PIEZO2: variants seen among roughly 807,000 people sequenced by gnomAD.
PIEZO2 encodes the protein piezo-type mechanosensitive ion channel component 2.
Under a neutral mutation model 337.3 loss-of-function variants are expected in PIEZO2, and 172 were observed. The observed-to-expected ratio is 0.51, with a 90% CI of 0.45 to 0.58. The LOEUF is 0.58. PIEZO2 is among the 20% of genes least tolerant of loss of function. The pLI, the probability that PIEZO2 is intolerant of heterozygous loss-of-function variation, is 0.00. For missense variants in PIEZO2, 3,028 were observed against 3,391.3 expected (o/e 0.89, Z 2.66); for synonymous variants, 1,251 against 1,228.5 (o/e 1.02, Z -0.38).
At chr18:10,698,470 G>A (rs1162064487) in intron 44 of PIEZO2, among the ~76,000 whole-genome samples, 2 of 152,196 alleles carry the variant, frequency 1.3e-5, no homozygotes, top group Non-Finnish European at 2.9e-5. Context: ...TCTACTTTCT[G>A]ATTGTACTCG....
chr18:10,843,670 T>C (rs2041262575), intron 7 of PIEZO2, among the ~76,000 whole-genome samples: 1 of 152,182 alleles, frequency 6.6e-6, no homozygotes. Context: ...CATTCATTGG[T>C]ACCTCGGGCA....
At chr18:10,715,386 C>T (rs1040157696) in intron 38 of PIEZO2, among the ~76,000 whole-genome samples, 10 of 152,142 alleles carry the variant, frequency 6.6e-5, no homozygotes, top group Non-Finnish European at 1.3e-4. Context: ...AGTCTGTACA[C>T]CTGCAAACTG....
intron 36 of PIEZO2, chr18:10,725,367 G>T (rs1484019174): frequency 1.9e-6 from 3 of 1,606,052 alleles, no homozygotes; most frequent in South Asian, 2.2e-5. Flanking sequence ...GTCCCAGGCG[G>T]TGATGATGGT....
chr18:10,970,260 G>T (rs1213819790), intron 3 of PIEZO2, among the ~76,000 whole-genome samples: 1 of 152,164 alleles, frequency 6.6e-6, no homozygotes, highest in Non-Finnish European at 1.5e-5. Flanking sequence ...AAATAACATG[G>T]GCAAAGGCAT....
rs544133378 is a variant in PIEZO2, at chr18:10,888,508, G to C, written c.330-17093C>G. ...TGGGCACTTGGAGTAGCATTGTTAC[G>C]GGGGCGACATTGCTTCTGGGTCCTC... On this transcript the variant is annotated intron_variant, in intron 4 of 55. Coordinates refer to ENST00000674853, the MANE Select transcript of PIEZO2 (RefSeq NM_001378183.1). This position sits in a 1 kb window ranked among gnomAD's most constrained non-coding sequence, Gnocchi z 4.1. Among the ~76,000 whole-genome samples, 2 of 151,954 alleles carry C rather than the reference G, an allele frequency of 1.3e-5. No homozygotes were observed. The highest frequency in any genetic ancestry group is 1.3e-4 in the Admixed American group (2 of 15,238).
intron 7 of PIEZO2, among the ~76,000 whole-genome samples, chr18:10,816,393 C>T (rs1295610541): frequency 6.6e-6 from 1 of 152,096 alleles, no homozygotes; most frequent in African/African-American, 2.4e-5. Context: ...TATACATGGG[C>T]CATGTTCAGA....
rs2041677898 is a variant in PIEZO2 at position 10,855,471 on chromosome 18, G to A, written c.799C>T (p.Leu267=). ...AGCAGAACACAGAGACAGCTGAACAGCAATGGGTCGAACGTCCGGCACCAG... is the reference window on the plus strand; with the variant it reads ...AGCAGAACACAGAGACAGCTGAACAACAATGGGTCGAACGTCCGGCACCAG... ...WSWCRTFDPL[L]FSCLCVLLAI... is the part of the protein sequence containing the mutation. Residue 267 remains leucine (L), a synonymous_variant, in exon 7 of 56, where the codon CTG becomes TTG. Transcript: ENST00000674853. The surrounding 1 kb of genome is among the most constrained non-coding windows in gnomAD (Gnocchi z 4.9). 1.3e-6 allele frequency: 2 copies of A among 1,537,012 alleles called. No individual in the cohort carries two copies. The highest frequency in any genetic ancestry group is 8.7e-7 in the Non-Finnish European group (1 of 1,146,874).
At chr18:11,072,693 C>G (rs2038387768) in intron 1 of PIEZO2, among the ~76,000 whole-genome samples, 1 of 152,216 alleles carries the variant, frequency 6.6e-6, no homozygotes, top group Non-Finnish European at 1.5e-5. Flanking sequence ...CCAGTGGGTA[C>G]AGCTATGTAG....
chr18:10,920,887 T>C (rs1598690352), intron 3 of PIEZO2, among the ~76,000 whole-genome samples: 1 of 152,148 alleles, frequency 6.6e-6, no homozygotes, highest in Non-Finnish European at 1.5e-5. Context: ...ACACTGTCTC[T>C]ACTAAAAATA....
At chr18:10,844,555 G>C (rs555620609) in intron 7 of PIEZO2, among the ~76,000 whole-genome samples, 1 of 151,634 alleles carries the variant, frequency 6.6e-6, no homozygotes, top group Non-Finnish European at 1.5e-5. Context: ...TTGGGAGGCC[G>C]AGGTGGGTGG....
At position 10,726,620 on chromosome 18, in the gene PIEZO2, T is replaced by G; in HGVS notation, c.5029+4787A>C. ...GCGCGCTACGTGCGGGACGCCGACG[T>G]GCGCTGGGAGTACTGCGCGCGCGCC... On this transcript the variant is annotated intron_variant, in intron 36 of 55. Coordinates refer to ENST00000674853, the MANE Select transcript of PIEZO2 (RefSeq NM_001378183.1). This position sits in a 1 kb window ranked among gnomAD's most constrained non-coding sequence, Gnocchi z 5.9. The G allele has an allele frequency of 2.8e-6, 2 of 710,000 alleles. No individual in the cohort carries two copies. Among genetic ancestry groups the G allele is most frequent in the Non-Finnish European group, 3.5e-6 (2 of 567,132 alleles). The allele number at this position is 710,000 out of a possible 1,614,324, so 44.0% of individuals were successfully genotyped here.
chr18:10,923,213 G>A (rs1446224794), intron 3 of PIEZO2, among the ~76,000 whole-genome samples: 1 of 152,078 alleles, frequency 6.6e-6, no homozygotes, highest in Non-Finnish European at 1.5e-5. Flanking sequence ...CTTCTATAAT[G>A]GATCAGTTCT....
intron 1 of PIEZO2, among the ~76,000 whole-genome samples, chr18:11,121,963 T>C (rs940032323): frequency 1.3e-5 from 2 of 151,188 alleles, no homozygotes. Context: ...TTTCTTTTTC[T>C]TTTTTTTTGA....
intron 1 of PIEZO2, among the ~76,000 whole-genome samples, chr18:11,141,984 C>G (rs2040662625): frequency 2.0e-5 from 3 of 152,118 alleles, no homozygotes; most frequent in African/African-American, 7.2e-5. Context: ...TTATAATTTG[C>G]AAGTTCATAT....
In PIEZO2 at chr18:10,704,395, T is replaced by A. The variant is rs1313247724; in HGVS notation, c.6257A>T (p.Glu2086Val). ...RFWMMAIVYT[E>V]VAIVVKYFFQ... ...ACAGGGGTCTGCGTCCAGGCCTACC[T>A]CAGTATAGACGATGGCCATCATCCA... Residue 2086 changes from glutamate to valine, a missense_variant and splice_region_variant, in exon 42 of 56, where the codon GAG (glutamate) becomes GTG (valine). Physicochemically the swap from Glu to Val is moderately radical, Grantham distance 121. Around this residue, in one of 5 missense-constraint regions of PIEZO2, gnomAD observed 1,925 missense variants for 2,051.9 expected, o/e 0.94. Coordinates refer to ENST00000674853, the MANE Select transcript of PIEZO2 (RefSeq NM_001378183.1). 6.5e-7 allele frequency: 1 copy of A among 1,536,958 alleles called. No homozygotes were observed. Among genetic ancestry groups the A allele is most frequent in the Non-Finnish European group, 8.7e-7 (1 of 1,146,876 alleles).
chr18:10,782,276 T>A (rs2039020071), intron 17 of PIEZO2, among the ~76,000 whole-genome samples: 1 of 30,670 alleles, frequency 3.3e-5, no homozygotes, highest in Non-Finnish European at 6.9e-5. Flanking sequence ...ATGTAAACAA[T>A]TATATAATAT....
chr18:10,965,167 G>T (rs2033945536), intron 3 of PIEZO2, among the ~76,000 whole-genome samples: 1 of 152,076 alleles, frequency 6.6e-6, no homozygotes, highest in Admixed American at 6.6e-5. Context: ...GAAATTGTTA[G>T]ATCATGTGGC....
At chr18:11,117,590 C>T (rs2039926587) in intron 1 of PIEZO2, among the ~76,000 whole-genome samples, 2 of 152,246 alleles carry the variant, frequency 1.3e-5, no homozygotes, top group Admixed American at 6.5e-5. Flanking sequence ...AACTTTTACT[C>T]ATCACCTACA....
intron 17 of PIEZO2, among the ~76,000 whole-genome samples, chr18:10,782,338 TAATTATAATATATTATAATTATATATAA>T (rs2039034631): frequency 5.0e-5 from 3 of 60,100 alleles, no homozygotes; most frequent in South Asian, 4.8e-4. Context: ...TATATATAAA[TAATTATAATATATTATAATTATATATAA>T]ATAATTATAA....
Sources: gnomAD v4.1 joint callset for allele counts (sites outside exome capture counted in the v4.1 genomes callset) on GRCh38, gnomAD v4.1.1 for gene constraint, gnomAD v4.1.1 regional missense constraint, Gnocchi (gnomAD v3.1) non-coding constraint, MANE v1.5 for transcripts, NCBI Gene and HGNC (gene_info 2026-07-23, HGNC 2026-07-21) for gene names.